The following CLMN variants were observed in gnomAD, a reference collection of about 807,000 sequenced individuals.
CLMN encodes the protein calmin (calponin-like, transmembrane).
A neutral mutation model predicts 92.7 loss-of-function variants in CLMN; 57 were observed. That is an observed-to-expected ratio of 0.61 (90% confidence interval 0.50 to 0.77). The LOEUF (loss-of-function observed/expected upper bound fraction) is 0.77. Ranked by LOEUF, CLMN falls within the 30% of genes least tolerant of loss-of-function variation. The pLI is 0.00. For missense variants in CLMN, 1,158 were observed against 1,237.5 expected, an observed-to-expected ratio of 0.94 and a Z score of 0.96; for synonymous variants, 466 against 470.6, an observed-to-expected ratio of 0.99 and a Z score of 0.13.
chr14:95,241,547 A>T (rs1450767341), intron 1 of CLMN, among the ~76,000 whole-genome samples: 1 of 152,244 alleles, frequency 6.6e-6, no homozygotes, highest in Non-Finnish European at 1.5e-5. Context: ...GCATGAACTG[A>T]AGTTTCTACC....
At chr14:95,268,161 G>A (rs1426671860) in intron 1 of CLMN, among the ~76,000 whole-genome samples, 4 of 152,130 alleles carry the variant, frequency 2.6e-5, no homozygotes, top group African/African-American at 7.2e-5. Context: ...ATAGCTAGAA[G>A]AGAAAAATTT....
intron 2 of CLMN, among the ~76,000 whole-genome samples, chr14:95,227,485 G>A (rs1440974392): frequency 1.3e-5 from 2 of 152,198 alleles, no homozygotes; most frequent in Non-Finnish European, 2.9e-5. Context: ...CAGAAAACGC[G>A]AGACCCGAAC....
rs747185292 is a variant in CLMN at position 95,202,913 on chromosome 14, T to A, written c.2436A>T (p.Glu812Asp). Residue 812 changes from glutamate (E) to aspartate (D), a missense_variant, in exon 9 of 13, where the codon GAA becomes GAT. By Grantham distance (45) the Glu-to-Asp change is conservative. Transcript: ENST00000298912. ...RGGVGTTPAS[E>D]PAPLAPHEDH... ...CCTCATGGGGGGCCAGTGGAGCGGG[T>A]TCTGAGGCTGGTGTGGTACCCACAC... 13 of 1,595,690 alleles carry A rather than the reference T, an allele frequency of 8.1e-6. No individual in the cohort carries two copies. In the East Asian group the frequency reaches 1.8e-4, roughly 22 times the overall value.
At chr14:95,257,127 G>A (rs1275455370) in intron 1 of CLMN, among the ~76,000 whole-genome samples, 3 of 152,146 alleles carry the variant, frequency 2.0e-5, no homozygotes, top group African/African-American at 4.8e-5. Context: ...ATAAAGCTTC[G>A]TTAAATTAGA....
chr14:95,245,179 TATATATATATATATA>T (rs1333270268), intron 1 of CLMN, among the ~76,000 whole-genome samples: 2 of 35,892 alleles, frequency 5.6e-5, no homozygotes, highest in African/African-American at 2.5e-4. Flanking sequence ...TTATATTATA[TATATATATATATATA>T]ATATATATAT....
At chr14:95,275,354 A>G (rs1037546545) in intron 1 of CLMN, among the ~76,000 whole-genome samples, 1 of 152,172 alleles carries the variant, frequency 6.6e-6, no homozygotes, top group African/African-American at 2.4e-5. Context: ...ACCTCCCCAA[A>G]CTAAAATGAC....
chr14:95,191,581 C>A lies in CLMN; in HGVS notation c.2992G>T (p.Asp998Tyr). 2 of 1,612,888 alleles carry A rather than the reference C, an allele frequency of 1.2e-6. No individual in the cohort carries two copies. Among genetic ancestry groups the A allele is most frequent in the African/African-American group, 2.7e-5 (2 of 74,908 alleles). The change falls in exon 13 of 13, where the codon GAT becomes TAT. Residue 998 changes from aspartate (D) to tyrosine (Y), a missense_variant. Coordinates refer to ENST00000298912, the MANE Select transcript of CLMN (RefSeq NM_024734.4). The surrounding 1 kb of genome is among the most constrained non-coding windows in gnomAD (Gnocchi z 5.3). ...CACACGTATCAGAGCCTGCTAACAT[C>A]CAGTTGTGGGAAGAGCAGCAAGCAG... ...VYCLLLFPQL[D>Y]VSRL
chr14:95,200,343 C>G (rs749296676), intron 9 of CLMN, among the ~76,000 whole-genome samples: 17 of 152,174 alleles, frequency 1.1e-4, no homozygotes, highest in Admixed American at 6.5e-4. Context: ...CATTAGACAC[C>G]GAAGGCAGGA....
At chr14:95,242,658 C>T (rs1228885545) in intron 1 of CLMN, among the ~76,000 whole-genome samples, 2 of 150,624 alleles carry the variant, frequency 1.3e-5, no homozygotes, top group East Asian at 3.9e-4. Flanking sequence ...ACATCCACCT[C>T]CACAGTTCAA....
At position 95,319,849 on chromosome 14, in the gene CLMN, C is replaced by A; in HGVS notation, c.-57G>T. 9.4e-7 allele frequency: 1 copy of A among 1,067,834 alleles called. No individual in the cohort carries two copies. 66.1% of individuals were successfully genotyped at this position (1,067,834 alleles called of 1,614,324 possible). ...GGCGCGGGCGGCGGGCGCGGAGAGC[C>A]TGGCTGGCGGGCGCGCGAGCGGCAC... On this transcript the variant is annotated 5_prime_UTR_variant, in exon 1 of 13. The change creates a new upstream start codon in the 5' untranslated region. Coordinates refer to ENST00000298912, the MANE Select transcript of CLMN (RefSeq NM_024734.4).
chr14:95,244,860 A>T (rs1220728861), intron 1 of CLMN, among the ~76,000 whole-genome samples: 1 of 151,578 alleles, frequency 6.6e-6, no homozygotes, highest in East Asian at 2.0e-4. Context: ...TGCTGCAAAT[A>T]TTCAGGATTT....
chr14:95,280,080 T>G (rs1386233867), intron 1 of CLMN, among the ~76,000 whole-genome samples: 1 of 152,178 alleles, frequency 6.6e-6, no homozygotes, highest in African/African-American at 2.4e-5. Context: ...ATTAATCTTG[T>G]AAAAGAAATT....
intron 4 of CLMN, 127 bp downstream of exon 4, chr14:95,221,564 G>C (rs1897540140): frequency 1.3e-6 from 1 of 782,332 alleles, no homozygotes; most frequent in African/African-American, 1.7e-5. Context: ...TTTAAGCTTA[G>C]TTTAATTTGA....
intron 2 of CLMN, among the ~76,000 whole-genome samples, chr14:95,228,413 G>A (rs182419026): frequency 3.5e-4 from 53 of 152,330 alleles, no homozygotes; most frequent in African/African-American, 1.2e-3. Flanking sequence ...TCTTTCACCC[G>A]TAGAGTTCAG....
intron 9 of CLMN, among the ~76,000 whole-genome samples, chr14:95,198,151 G>C (rs969299134): frequency 7.0e-6 from 1 of 142,714 alleles, no homozygotes; most frequent in Non-Finnish European, 1.5e-5. Flanking sequence ...CCAGGTTTAA[G>C]TGATTTTTCT....
intron 1 of CLMN, among the ~76,000 whole-genome samples, chr14:95,297,689 T>C (rs1900862930): frequency 1.3e-5 from 2 of 152,164 alleles, no homozygotes; most frequent in Non-Finnish European, 2.9e-5. Flanking sequence ...GCATTAGCAG[T>C]TCTTCCCTTC....
intron 1 of CLMN, among the ~76,000 whole-genome samples, chr14:95,264,748 A>C (rs909861402): frequency 1.8e-4 from 27 of 152,150 alleles, no homozygotes; most frequent in Admixed American, 1.4e-3. Flanking sequence ...GTTTCTGTGA[A>C]GTCGTTTTTT....
chr14:95,315,721 C>T (rs1209551098), intron 1 of CLMN, among the ~76,000 whole-genome samples: 3 of 152,294 alleles, frequency 2.0e-5, no homozygotes, highest in South Asian at 2.1e-4. Context: ...CAGCATCAAA[C>T]GCCAAAAGCA....
chr14:95,305,209 T>C (rs1422582339), intron 1 of CLMN, among the ~76,000 whole-genome samples: 2 of 152,196 alleles, frequency 1.3e-5, no homozygotes, highest in Non-Finnish European at 2.9e-5. Flanking sequence ...ATTCTTCCCA[T>C]TGTACCGATG....
Sources: gnomAD v4.1 joint callset for allele counts (sites outside exome capture counted in the v4.1 genomes callset) on GRCh38, gnomAD v4.1.1 for gene constraint, Gnocchi (gnomAD v3.1) non-coding constraint, MANE v1.5 for transcripts, NCBI Gene and HGNC (gene_info 2026-07-23, HGNC 2026-07-21) for gene names.